The following DLG5 variants were observed in gnomAD, a reference collection of about 807,000 sequenced individuals.
The protein encoded by DLG5 is disks large homolog 5.
A neutral mutation model predicts 189.8 loss-of-function variants in DLG5; 48 were observed. That is an observed-to-expected ratio of 0.25 (90% CI 0.20 to 0.32). The LOEUF (loss-of-function observed/expected upper bound fraction) is 0.32, where lower values mean the gene tolerates loss of function less well. Ranked by LOEUF, DLG5 falls within the 10% of genes least tolerant of loss-of-function variation. DLG5 has a pLI of 1.00. For synonymous variants in DLG5, 1,016 were observed against 1,054.1 expected, an observed-to-expected ratio of 0.96 and a Z score of 0.70; for missense variants, 2,160 against 2,544.7, an observed-to-expected ratio of 0.85 and a Z score of 3.25.
chr10:77,891,577 C>G (rs927783225), intron 1 of DLG5, among the ~76,000 whole-genome samples: 6 of 55,522 alleles, frequency 1.1e-4, no homozygotes, highest in Non-Finnish European at 1.7e-4. Flanking sequence ...CCAACAGACA[C>G]ACACACACAC....
At chr10:77,808,810 C>G (rs1603641171) in intron 24 of DLG5, among the ~76,000 whole-genome samples, 1 of 152,226 alleles carries the variant, frequency 6.6e-6, no homozygotes, top group East Asian at 1.9e-4. Flanking sequence ...AAAAATCAAC[C>G]CTGGCCAGGC....
intron 1 of DLG5, among the ~76,000 whole-genome samples, chr10:77,913,265 T>A (rs571765666): frequency 2.2e-4 from 34 of 152,138 alleles, no homozygotes; most frequent in Middle Eastern, 6.8e-3. Flanking sequence ...AAGTTCTTCC[T>A]GAAACAACCG....
At chr10:77,856,927 CATCTGGCATTCACG>C (rs1844264344) in intron 2 of DLG5, 35 bp from the exon 3 acceptor site, 2 of 1,591,762 alleles carry the variant, frequency 1.3e-6, no homozygotes, top group African/African-American at 2.7e-5. Context: ...AACTTGTGTT[CATCTGGCATTCACG>C]AGGCGCCCGG....
Position 77,842,274 on chromosome 10 carries a change from G to C in DLG5, c.1125-81C>G, listed in dbSNP as rs912555062. The C allele has an allele frequency of 4.0e-6, 6 of 1,497,350 alleles. No homozygotes were observed. In the African/African-American group the frequency reaches 8.3e-5, roughly 21 times the overall value. 92.8% of individuals were successfully genotyped at this position (1,497,350 alleles called of 1,614,324 possible). A position where few individuals can be genotyped will look rare whatever the true frequency, so the allele number is the denominator to read the frequency against. ...CCGGCTGCGCTGCTGCCTCCCGCCA[G>C]CTCTACTGTGCTGGACAGTCAAGCG... On this transcript the variant is annotated intron_variant, in intron 6 of 31. Transcript: ENST00000372391.
intron 1 of DLG5, among the ~76,000 whole-genome samples, chr10:77,899,147 C>T (rs943414117): frequency 6.6e-6 from 1 of 152,206 alleles, no homozygotes; most frequent in African/African-American, 2.4e-5. Context: ...TAACCTATCT[C>T]CCTAGTAAGG....
intron 17 of DLG5, 96 bp from the exon 18 acceptor site, chr10:77,817,985 C>G (rs1291175475): frequency 9.6e-7 from 1 of 1,046,696 alleles, no homozygotes; most frequent in East Asian, 2.6e-5. Flanking sequence ...GGTTCCCAAG[C>G]GGGCAGAAGG....
chr10:77,845,643 AAG>A (rs904855162), intron 5 of DLG5, among the ~76,000 whole-genome samples: 5 of 151,014 alleles, frequency 3.3e-5, no homozygotes, highest in African/African-American at 1.2e-4. Flanking sequence ...GAGAAAGAGA[AAG>A]AGAGAGAAAG....
rs553847015 is a variant in DLG5, at chr10:77,843,156, T to G, written c.1124+291A>C. ...ACACACCAGTATTTATTAAGTATTGTGCAGAGCAGTTAACACAGCAGACCC... is the reference window on the plus strand; with the variant it reads ...ACACACCAGTATTTATTAAGTATTGGGCAGAGCAGTTAACACAGCAGACCC... On this transcript the variant is annotated intron_variant, in intron 6 of 31. Coordinates refer to ENST00000372391, the MANE Select transcript of DLG5 (RefSeq NM_004747.4). Among the ~76,000 whole-genome samples the G allele has an allele frequency of 3.4e-4, 51 of 152,150 alleles. 1 individual carries two copies. Among genetic ancestry groups the G allele is most frequent in the Non-Finnish European group, 4.0e-4 (27 of 68,028 alleles).
chr10:77,875,218 C>G (rs572827985), intron 1 of DLG5, among the ~76,000 whole-genome samples: 11 of 152,340 alleles, frequency 7.2e-5, no homozygotes, highest in Admixed American at 2.0e-4. Flanking sequence ...CCCGGCTCCA[C>G]AGGGAAGAGC....
intron 23 of DLG5, among the ~76,000 whole-genome samples, chr10:77,810,249 G>A (rs1841692686): frequency 6.6e-6 from 1 of 152,220 alleles, no homozygotes. Flanking sequence ...AACACATGGA[G>A]GGAGTGAGAT....
At chr10:77,859,510 T>C (rs890651057) in intron 2 of DLG5, among the ~76,000 whole-genome samples, 1 of 152,210 alleles carries the variant, frequency 6.6e-6, no homozygotes, top group Non-Finnish European at 1.5e-5. Flanking sequence ...GCTTTTCTTT[T>C]CTATGTATAG....
In DLG5 at chr10:77,906,110, C is replaced by A. The variant is rs114511918; in HGVS notation, c.304+20107G>T. 6.9e-3 allele frequency among the ~76,000 whole-genome samples: 1,045 copies of A among 152,346 alleles called. 13 individuals are homozygous for A. The highest frequency in any genetic ancestry group is 0.023 in the African/African-American group (956 of 41,586). On this transcript the variant is annotated intron_variant, in intron 1 of 31. Coordinates refer to ENST00000372391, the MANE Select transcript of DLG5 (RefSeq NM_004747.4). The stretch of plus-strand genomic sequence containing the variant: ...ACCACAAACAACACTGCAGTGAACA[C>A]CCTGGACCTTCCCCTTAGGACCTGC...
At chr10:77,862,815 G>A (rs922797779) in intron 2 of DLG5, among the ~76,000 whole-genome samples, 1 of 152,158 alleles carries the variant, frequency 6.6e-6, no homozygotes, top group Non-Finnish European at 1.5e-5. Flanking sequence ...AAAGAAGCCT[G>A]ACTCTAAAAG....
the DLG5 span, among the ~76,000 whole-genome samples, chr10:77,935,239 G>C: frequency 1.1e-4 from 16 of 152,128 alleles, no homozygotes; most frequent in African/African-American, 3.6e-4. Flanking sequence ...TGAGCTATGA[G>C]CTCTGTGGGA....
intron 2 of DLG5, among the ~76,000 whole-genome samples, chr10:77,864,484 CAGGAA>C (rs1237371148): frequency 6.6e-6 from 1 of 152,178 alleles, no homozygotes; most frequent in African/African-American, 2.4e-5. Context: ...CAGAGCCGTC[CAGGAA>C]AGACCCAGGC....
chr10:77,889,914 G>A (rs1845556827), intron 1 of DLG5, among the ~76,000 whole-genome samples: 1 of 152,142 alleles, frequency 6.6e-6, no homozygotes, highest in Non-Finnish European at 1.5e-5. Context: ...GTGGGAGCCA[G>A]AGATGGTGAG....
intron 13 of DLG5, among the ~76,000 whole-genome samples, chr10:77,828,296 G>C (rs976585226): frequency 2.6e-5 from 4 of 152,000 alleles, no homozygotes; most frequent in African/African-American, 9.7e-5. Context: ...GACCAGCCTG[G>C]CCAACATGGT....
intron 10 of DLG5, 78 bp downstream of exon 10, chr10:77,830,663 G>T: frequency 6.4e-7 from 1 of 1,566,428 alleles, no homozygotes; most frequent in Non-Finnish European, 8.7e-7. Context: ...TGGTGAAACT[G>T]GGAGATACTG....
chr10:77,938,911 C>T, the DLG5 span, among the ~76,000 whole-genome samples: 1 of 152,108 alleles, frequency 6.6e-6, no homozygotes, highest in Admixed American at 6.6e-5. Flanking sequence ...CTATCAGGCC[C>T]GGTGCAGTGG....
Sources: gnomAD v4.1 joint callset for allele counts (sites outside exome capture counted in the v4.1 genomes callset) on GRCh38, gnomAD v4.1.1 for gene constraint, MANE v1.5 for transcripts, NCBI Gene and HGNC (gene_info 2026-07-23, HGNC 2026-07-21) for gene names.